Variants in ITCH observed in about 807,000 individuals in gnomAD.
ITCH encodes itchy E3 ubiquitin protein ligase.
ITCH carries 28 observed loss-of-function variants against 126.8 expected under a neutral mutation model. The ratio of observed to expected loss-of-function variants is 0.22; its 90% CI spans 0.16 to 0.30. The LOEUF is 0.30. ITCH is among the 10% of genes least tolerant of loss of function. The pLI is 1.00. For missense variants in ITCH, 631 were observed against 1,032.4 expected (o/e 0.61, Z 5.33); for synonymous variants, 342 against 340.0 (o/e 1.01, Z -0.06).
At chr20:34,463,328 A>C (rs1986720139) in intron 14 of ITCH, among the ~76,000 whole-genome samples, 1 of 152,190 alleles carries the variant, frequency 6.6e-6, no homozygotes. Flanking sequence ...ATGCCACAGC[A>C]CTCCAGCCTG....
At chr20:34,391,963 G>A (rs1244310189) in intron 2 of ITCH, among the ~76,000 whole-genome samples, 7 of 152,094 alleles carry the variant, frequency 4.6e-5, no homozygotes, top group Admixed American at 3.9e-4. Context: ...TAAATTATTA[G>A]TGGAGATGAG....
intron 3 of ITCH, among the ~76,000 whole-genome samples, chr20:34,402,879 T>TA (rs1263347444): frequency 1.3e-5 from 2 of 152,210 alleles, no homozygotes; most frequent in Non-Finnish European, 2.9e-5. Context: ...TACTCCAAAT[T>TA]AAGAAAGAGA....
At chr20:34,503,670 G>A (rs1374907892) in intron 23 of ITCH, among the ~76,000 whole-genome samples, 1 of 151,998 alleles carries the variant, frequency 6.6e-6, no homozygotes, top group East Asian at 1.9e-4. Flanking sequence ...ATAACAATGT[G>A]TTATTCCGGC....
chr20:34,506,988 T>G (rs769420217), intron 24 of ITCH, among the ~76,000 whole-genome samples: 1 of 152,224 alleles, frequency 6.6e-6, no homozygotes, highest in Non-Finnish European at 1.5e-5. Context: ...ACACTTAGAT[T>G]ATTTCCACCT....
rs1220695153 is a variant in ITCH at position 34,375,695 on chromosome 20, AATTTTTTTTTTTTTTTTTT to A, written c.-22+6226_-22+6244del. Among the ~76,000 whole-genome samples, 119 of 135,140 alleles carry A rather than the reference AATTTTTTTTTTTTTTTTTT, an allele frequency of 8.8e-4. 1 individual carries two copies. Among genetic ancestry groups the A allele is most frequent in the African/African-American group, 3.3e-3 (113 of 34,074 alleles). 88.7% of individuals were successfully genotyped at this position (135,140 alleles called of 152,430 possible). A position where few individuals can be genotyped will look rare whatever the true frequency, so the allele number is the denominator to read the frequency against. ...ACACTCACAATGTATTGGTAGTTAA[AATTTTTTTTTTTTTTTTTT>A]TTTTTTTTTTTTTTTTTACCAGTTG... On this transcript the variant is annotated intron_variant, in intron 2 of 24. Coordinates refer to ENST00000374864, the MANE Select transcript of ITCH (RefSeq NM_031483.7).
chr20:34,508,842 T>C lies in ITCH; in HGVS notation c.*1048T>C, dbSNP rs931591270. ...TAATTATTGTTAAGGAGTTTAAGAC[T>C]AGAAAGACTAGAGTGCTTTCTAGTC... On this transcript the variant is annotated 3_prime_UTR_variant, in exon 25 of 25. Transcript: ENST00000374864. The C allele has an allele frequency of 6.6e-6, 1 of 152,172 alleles. No homozygotes were observed. Among genetic ancestry groups the C allele is most frequent in the Non-Finnish European group, 1.5e-5 (1 of 68,034 alleles). 9.4% of individuals were successfully genotyped at this position (152,172 alleles called of 1,614,324 possible).
intron 17 of ITCH, 73 bp from the exon 18 acceptor site, chr20:34,479,557 A>G: frequency 7.8e-7 from 1 of 1,281,960 alleles, no homozygotes; most frequent in Non-Finnish European, 1.1e-6. Context: ...ATCCCTGAGA[A>G]CTTTATAGCA....
intron 23 of ITCH, among the ~76,000 whole-genome samples, chr20:34,494,054 C>T (rs1989695444): frequency 6.6e-6 from 1 of 152,156 alleles, no homozygotes; most frequent in Admixed American, 6.5e-5. Context: ...CATGGTGAGA[C>T]CCCGTCTCTA....
chr20:34,397,017 G>GT (rs577479667), intron 3 of ITCH, among the ~76,000 whole-genome samples: 100 of 151,672 alleles, frequency 6.6e-4, no homozygotes, highest in African/African-American at 2.4e-3. Context: ...GTCTTTGTAG[G>GT]TTTTTTGTTT....
chr20:34,458,729 G>A (rs1986248125), intron 13 of ITCH, among the ~76,000 whole-genome samples: 1 of 152,066 alleles, frequency 6.6e-6, no homozygotes, highest in African/African-American at 2.4e-5. Context: ...TCTTCACATG[G>A]CACTCTTCCT....
Position 34,477,771 on chromosome 20 carries a change from G to T in ITCH, c.1570-1G>T. 1 of 1,612,530 alleles carries T rather than the reference G, an allele frequency of 6.2e-7. No homozygotes were observed. Among genetic ancestry groups the T allele is most frequent in the Non-Finnish European group, 8.5e-7 (1 of 1,179,162 alleles). On this transcript the variant is annotated splice_acceptor_variant, in intron 16 of 24. Transcript: ENST00000374864. LOFTEE classifies it high-confidence loss of function. ...AATTATTTTACTTTATTTTTTTTTA[G>T]ATAATGAGCTTCAGTCCCCAAGATC...
intron 11 of ITCH, among the ~76,000 whole-genome samples, chr20:34,446,622 C>G (rs1351740078): frequency 6.6e-6 from 1 of 152,020 alleles, no homozygotes; most frequent in Non-Finnish European, 1.5e-5. Context: ...TGTACTTTAC[C>G]CTTCTTTTCA....
chr20:34,490,223 T>C (rs1336392298), intron 22 of ITCH, among the ~76,000 whole-genome samples: 1 of 152,224 alleles, frequency 6.6e-6, no homozygotes, highest in East Asian at 1.9e-4. Flanking sequence ...TGTAGTATGT[T>C]TTTTATCATT....
chr20:34,394,085 A>C (rs1277267190), intron 3 of ITCH, among the ~76,000 whole-genome samples: 1 of 151,782 alleles, frequency 6.6e-6, no homozygotes, highest in East Asian at 1.9e-4. Context: ...GGTGGTGCAC[A>C]CCTGCTGTCC....
At chr20:34,460,352 C>CTTT (rs749083015) in intron 13 of ITCH, among the ~76,000 whole-genome samples, 7 of 108,954 alleles carry the variant, frequency 6.4e-5, no homozygotes, top group East Asian at 2.4e-4. Context: ...CCACACCCAG[C>CTTT]TTTTTTTTTT....
chr20:34,378,717 G>T (rs879621777), intron 2 of ITCH, among the ~76,000 whole-genome samples: 1 of 151,996 alleles, frequency 6.6e-6, no homozygotes, highest in Non-Finnish European at 1.5e-5. Flanking sequence ...CATTTGTTCT[G>T]CAATTAAAAG....
intron 22 of ITCH, among the ~76,000 whole-genome samples, chr20:34,490,150 A>C (rs1210306833): frequency 1.3e-5 from 2 of 152,198 alleles, no homozygotes; most frequent in African/African-American, 2.4e-5. Flanking sequence ...GTGTAAGACA[A>C]TTCGAGATGA....
At chr20:34,460,730 A>T (rs1986429044) in intron 13 of ITCH, among the ~76,000 whole-genome samples, 1 of 152,250 alleles carries the variant, frequency 6.6e-6, no homozygotes, top group Non-Finnish European at 1.5e-5. Flanking sequence ...TTCATAAATA[A>T]CATATTAGGC....
chr20:34,398,007 T>G (rs2038735764), intron 3 of ITCH, among the ~76,000 whole-genome samples: 1 of 152,118 alleles, frequency 6.6e-6, no homozygotes. Flanking sequence ...TTTTTTTTTT[T>G]TTACTGTGAT....
Sources: allele counts gnomAD v4.1 joint callset (sites outside exome capture counted in the v4.1 genomes callset), GRCh38; gene constraint gnomAD v4.1.1; transcripts MANE v1.5; gene names NCBI Gene and HGNC (gene_info 2026-07-23, HGNC 2026-07-21).